The following SPATS2L variants were observed in gnomAD, a reference collection of about 807,000 sequenced individuals.
SPATS2L encodes the protein SPATS2-like protein.
Under a neutral mutation model 59.6 loss-of-function variants are expected in SPATS2L, and 30 were observed. The observed-to-expected ratio is 0.50, with a 90% CI of 0.38 to 0.68. The LOEUF is 0.68. SPATS2L is among the 30% of genes least tolerant of loss of function. The probability of loss-of-function intolerance (pLI) is 0.00; values close to 1 mark genes in which losing one functional copy is unlikely to be tolerated. For missense variants in SPATS2L, 615 were observed against 700.0 expected, an observed-to-expected ratio of 0.88 and a Z score of 1.37; for synonymous variants, 252 against 263.5, an observed-to-expected ratio of 0.96 and a Z score of 0.42.
chr2:200,345,897 G>C (rs758167246), intron 2 of SPATS2L, among the ~76,000 whole-genome samples: 1 of 152,148 alleles, frequency 6.6e-6, no homozygotes, highest in Non-Finnish European at 1.5e-5. Context: ...TTCAGCCGTA[G>C]GTGGGAAGCA....
intron 6 of SPATS2L, among the ~76,000 whole-genome samples, chr2:200,432,002 G>A (rs979605628): frequency 2.0e-5 from 3 of 152,252 alleles, no homozygotes. Flanking sequence ...GCAGCTGAGT[G>A]TAAATGGTAC....
At chr2:200,380,318 G>A (rs2081761271) in intron 2 of SPATS2L, among the ~76,000 whole-genome samples, 1 of 152,128 alleles carries the variant, frequency 6.6e-6, no homozygotes, top group African/African-American at 2.4e-5. Flanking sequence ...TTCAAAGCTG[G>A]GACTGCCATA....
intron 1 of SPATS2L, chr2:200,309,042 T>C: frequency 1.4e-6 from 1 of 717,944 alleles, no homozygotes; most frequent in African/African-American, 1.7e-5. Flanking sequence ...ACCGTTGCAG[T>C]CTTTGATTGC....
intron 2 of SPATS2L, among the ~76,000 whole-genome samples, chr2:200,334,298 A>C (rs564015451): frequency 6.6e-6 from 1 of 152,212 alleles, no homozygotes; most frequent in African/African-American, 2.4e-5. Context: ...TTGGCTACAT[A>C]AATGTCTTCT....
chr2:200,358,054 G>A (rs904679579), intron 2 of SPATS2L, among the ~76,000 whole-genome samples: 5 of 152,104 alleles, frequency 3.3e-5, no homozygotes, highest in African/African-American at 7.2e-5. Context: ...TGAAATTTTC[G>A]TGAACCAACT....
At chr2:200,432,826 A>G (rs1410181367) in intron 6 of SPATS2L, among the ~76,000 whole-genome samples, 3 of 152,226 alleles carry the variant, frequency 2.0e-5, no homozygotes, top group Admixed American at 2.0e-4. Flanking sequence ...AGTTCAGACG[A>G]TGAAGAAGAA....
At chr2:200,378,645 T>C (rs1173774641) in intron 2 of SPATS2L, among the ~76,000 whole-genome samples, 1 of 152,242 alleles carries the variant, frequency 6.6e-6, no homozygotes, top group Non-Finnish European at 1.5e-5. Context: ...AGGAGTGTTC[T>C]GACTCAATGA....
At position 200,419,295 on chromosome 2, in the gene SPATS2L, A is replaced by C; in HGVS notation, c.244A>C (p.Lys82Gln). The change falls in exon 6 of 13, where the codon AAA becomes CAA. Residue 82 changes from lysine (K) to glutamine (Q), a missense_variant. By Grantham distance (53) the Lys-to-Gln change is moderately conservative. Around this residue, in one of 3 missense-constraint regions of SPATS2L, gnomAD observed 227 missense variants for 257.4 expected, o/e 0.88. Coordinates refer to ENST00000409140, the MANE Select transcript of SPATS2L (RefSeq NM_001100423.2). ...RSKSKQHQGN[K>Q]DAKDKVERPE... ...CAAGTCCAAGCAGCATCAAGGCAAC[A>C]AAGATGCTAAAGACAAGGTGGAGAG... is the stretch of plus-strand genomic sequence containing the variant. The C allele has an allele frequency of 6.3e-6, 10 of 1,599,060 alleles. No individual in the cohort carries two copies. The highest frequency in any genetic ancestry group is 8.5e-6 in the Non-Finnish European group (10 of 1,172,310).
At position 200,389,128 on chromosome 2, in the gene SPATS2L, A is replaced by T. The variant is rs529247297; in HGVS notation, c.-22-95A>T. Reference sequence around the variant, plus strand: ...TTCTAAAATGATATTTATGATTATGACCGAATGAAGTTGTTTACTGTGTTG... The same window carrying T: ...TTCTAAAATGATATTTATGATTATGTCCGAATGAAGTTGTTTACTGTGTTG... On this transcript the variant is annotated intron_variant, in intron 2 of 12. Coordinates refer to ENST00000409140, the MANE Select transcript of SPATS2L (RefSeq NM_001100423.2). The T allele has an allele frequency of 2.3e-5, 17 of 725,764 alleles. 1 individual carries two copies. In the South Asian group the frequency reaches 3.2e-4, roughly 14 times the overall value. 45.0% of individuals were successfully genotyped at this position (725,764 alleles called of 1,614,324 possible).
chr2:200,318,817 G>T lies in SPATS2L; in HGVS notation c.-72-10614G>T, dbSNP rs78871747. On this transcript the variant is annotated intron_variant, in intron 1 of 12. Coordinates refer to ENST00000409140, the MANE Select transcript of SPATS2L (RefSeq NM_001100423.2). ...TGGTCTAACATCTCACCAAATGCAGGAATTCTTTCCACATTATCCCAGTTG... is the reference window on the plus strand; with the variant it reads ...TGGTCTAACATCTCACCAAATGCAGTAATTCTTTCCACATTATCCCAGTTG... 3.1e-4 allele frequency among the ~76,000 whole-genome samples: 47 copies of T among 152,314 alleles called. No individual in the cohort carries two copies. The East Asian group carries it at 8.7e-3, about 28-fold the overall frequency.
chr2:200,433,029 A>G (rs561245913), intron 6 of SPATS2L, among the ~76,000 whole-genome samples: 1 of 152,204 alleles, frequency 6.6e-6, no homozygotes, highest in Non-Finnish European at 1.5e-5. Context: ...GGAGGAAGCT[A>G]TGAAGAAATA....
At chr2:200,405,199 T>C (rs1422573671) in intron 3 of SPATS2L, among the ~76,000 whole-genome samples, 1 of 152,178 alleles carries the variant, frequency 6.6e-6, no homozygotes. Context: ...ACCCCAAGCC[T>C]CTGAATCAGA....
intron 8 of SPATS2L, among the ~76,000 whole-genome samples, chr2:200,444,789 C>T (rs781757359): frequency 6.6e-6 from 1 of 152,158 alleles, no homozygotes; most frequent in Non-Finnish European, 1.5e-5. Context: ...TCCTTCCCAA[C>T]AGACAGGGTG....
At chr2:200,401,502 A>G (rs542908747) in intron 3 of SPATS2L, among the ~76,000 whole-genome samples, 4 of 152,274 alleles carry the variant, frequency 2.6e-5, no homozygotes, top group African/African-American at 9.6e-5. Context: ...TTATAATATT[A>G]CATAAATAAT....
intron 1 of SPATS2L, chr2:200,309,236 T>C (rs2079121478): frequency 1.5e-6 from 1 of 688,672 alleles, no homozygotes; most frequent in African/African-American, 1.8e-5. Context: ...TGAAAGGGCA[T>C]AGGTGGTCTT....
chr2:200,345,676 T>C (rs1294276437), intron 2 of SPATS2L, among the ~76,000 whole-genome samples: 1 of 152,216 alleles, frequency 6.6e-6, no homozygotes, highest in Non-Finnish European at 1.5e-5. Flanking sequence ...CAAGTGATGA[T>C]CATGTATTAT....
upstream of SPATS2L, chr2:200,306,398 G>T (rs1320010755): frequency 6.0e-6 from 6 of 1,002,138 alleles, no homozygotes; most frequent in Non-Finnish European, 7.2e-6. Context: ...CGAGGAAGTC[G>T]GTCTGGAGCA....
At chr2:200,468,863 T>C (rs1233142656) in intron 10 of SPATS2L, among the ~76,000 whole-genome samples, 1 of 152,218 alleles carries the variant, frequency 6.6e-6, no homozygotes, top group South Asian at 2.1e-4. Flanking sequence ...AAGTAAGAAA[T>C]ATAAAATTGC....
intron 5 of SPATS2L, among the ~76,000 whole-genome samples, chr2:200,417,002 C>A: frequency 6.6e-6 from 1 of 152,092 alleles, no homozygotes; most frequent in East Asian, 1.9e-4. Flanking sequence ...TTACTGTGTC[C>A]CATTCAAACT....
Sources: allele counts gnomAD v4.1 joint callset (sites outside exome capture counted in the v4.1 genomes callset), GRCh38; gene constraint gnomAD v4.1.1; regional missense constraint gnomAD v4.1.1; transcripts MANE v1.5; gene names NCBI Gene and HGNC (gene_info 2026-07-23, HGNC 2026-07-21).